The following CEP63 variants were observed in gnomAD, a reference collection of about 807,000 sequenced individuals.
CEP63 encodes the protein centrosomal protein of 63 kDa.
In CEP63, 84 loss-of-function variants were observed where a neutral mutation model predicts 89.1. That is an observed-to-expected ratio of 0.94 (90% confidence interval 0.79 to 1.13). CEP63 has a LOEUF of 1.13. Among genes scored for constraint, CEP63 ranks in the 50% most tolerant of loss-of-function variants. The pLI is 0.00. For missense variants in CEP63, 838 were observed against 813.3 expected, an observed-to-expected ratio of 1.03 and a Z score of -0.37; for synonymous variants, 267 against 272.5, an observed-to-expected ratio of 0.98 and a Z score of 0.20.
upstream of CEP63, chr3:134,485,998 C>CCCCA: frequency 2.0e-6 from 2 of 981,728 alleles, no homozygotes; most frequent in South Asian, 4.7e-5. Context: ...CACGCCCCCC[C>CCCCA]CCCCTCCCCC....
the CEP63 span, among the ~76,000 whole-genome samples, chr3:134,720,214 A>T: frequency 2.6e-5 from 4 of 152,232 alleles, no homozygotes; most frequent in East Asian, 7.7e-4. Flanking sequence ...CTAATAACCA[A>T]TGATGTTGAG....
chr3:134,486,144 C>T lies in CEP63; in HGVS notation c.-84C>T, dbSNP rs57845495. ...GGGGCAGTGGGCGGAACAAACGCGCCGACTACAGAGGCTGGACGTAAGCTT... is the reference window on the plus strand; with the variant it reads ...GGGGCAGTGGGCGGAACAAACGCGCTGACTACAGAGGCTGGACGTAAGCTT... On this transcript the variant is annotated 5_prime_UTR_variant, in exon 1 of 15. Coordinates refer to ENST00000675561, the MANE Select transcript of CEP63 (RefSeq NM_001353108.3). 1.1e-5 allele frequency: 11 copies of T among 985,604 alleles called. No homozygotes were observed. Among genetic ancestry groups the T allele is most frequent in the Non-Finnish European group, 1.3e-5 (11 of 830,058 alleles). The allele number at this position is 985,604 out of a possible 1,614,324, so 61.1% of individuals were successfully genotyped here.
At chr3:134,723,265 T>G in the CEP63 span, among the ~76,000 whole-genome samples, 2 of 152,214 alleles carry the variant, frequency 1.3e-5, no homozygotes, top group East Asian at 3.8e-4. Context: ...TGATTTGCTT[T>G]GACTAGTGGC....
chr3:134,610,302 C>G, the CEP63 span: 7 of 1,613,874 alleles, frequency 4.3e-6, no homozygotes, highest in Non-Finnish European at 5.9e-6. Flanking sequence ...CATGGTCAAA[C>G]TCCCCCGAGA....
At chr3:134,656,884 G>T in the CEP63 span, among the ~76,000 whole-genome samples, 1 of 152,124 alleles carries the variant, frequency 6.6e-6, no homozygotes, top group South Asian at 2.1e-4. Flanking sequence ...GAAAGTGCAA[G>T]AACTATATAA....
At chr3:134,662,004 A>G in the CEP63 span, among the ~76,000 whole-genome samples, 1 of 152,230 alleles carries the variant, frequency 6.6e-6, no homozygotes, top group African/African-American at 2.4e-5. Context: ...CCGGCTGGGC[A>G]TGGTGGCTCA....
chr3:134,625,499 G>C, the CEP63 span, among the ~76,000 whole-genome samples: 1 of 152,242 alleles, frequency 6.6e-6, no homozygotes, highest in Non-Finnish European at 1.5e-5. Context: ...TGGATTCCCT[G>C]TTATTTTTCC....
the CEP63 span, among the ~76,000 whole-genome samples, chr3:134,775,691 C>T: frequency 6.6e-6 from 1 of 152,112 alleles, no homozygotes; most frequent in African/African-American, 2.4e-5. Context: ...CATGTTTATC[C>T]AGATATTCAG....
At chr3:134,489,400 A>G (rs535911661) in intron 1 of CEP63, among the ~76,000 whole-genome samples, 108 of 152,244 alleles carry the variant, frequency 7.1e-4, no homozygotes, top group Middle Eastern at 3.4e-3. Flanking sequence ...ATAATTTCAT[A>G]GGTAATGCAG....
At chr3:134,680,284 G>A in the CEP63 span, among the ~76,000 whole-genome samples, 7 of 152,084 alleles carry the variant, frequency 4.6e-5, no homozygotes, top group African/African-American at 7.2e-5. Context: ...TTTTAAACTC[G>A]GTTTAATCCT....
intron 1 of CEP63, among the ~76,000 whole-genome samples, chr3:134,495,062 GGA>G (rs1939316962): frequency 6.6e-6 from 1 of 152,168 alleles, no homozygotes; most frequent in African/African-American, 2.4e-5. Context: ...ATATTTACAC[GGA>G]GAGAGTGTCA....
the CEP63 span, among the ~76,000 whole-genome samples, chr3:134,704,880 C>T: frequency 6.6e-6 from 1 of 152,160 alleles, no homozygotes; most frequent in South Asian, 2.1e-4. Context: ...CTGAGCTCTC[C>T]TTGAAGAGAG....
At chr3:134,727,877 A>T in the CEP63 span, among the ~76,000 whole-genome samples, 21 of 152,100 alleles carry the variant, frequency 1.4e-4, no homozygotes, top group Non-Finnish European at 2.5e-4. Context: ...TATTTTTTCT[A>T]CTTTGGGGTC....
At chr3:134,594,818 C>T in the CEP63 span, among the ~76,000 whole-genome samples, 1 of 152,242 alleles carries the variant, frequency 6.6e-6, no homozygotes, top group Non-Finnish European at 1.5e-5. Flanking sequence ...ATGCAAGGCA[C>T]TGTTTAATCA....
chr3:134,566,256 G>A (rs556918242), downstream of CEP63, among the ~76,000 whole-genome samples: 4 of 152,184 alleles, frequency 2.6e-5, no homozygotes, highest in East Asian at 1.9e-4. Flanking sequence ...CAAAAAGAAC[G>A]TAAGGCAGTA....
At chr3:134,565,657 A>G (rs1026882546), downstream of CEP63, among the ~76,000 whole-genome samples, 1 of 152,048 alleles carries the variant, frequency 6.6e-6, no homozygotes, top group African/African-American at 2.4e-5. Flanking sequence ...TTGATTCACT[A>G]ATGAATCTAG....
the CEP63 span, chr3:134,650,944 T>C: frequency 3.7e-6 from 6 of 1,613,254 alleles, no homozygotes; most frequent in Admixed American, 1.7e-5. Flanking sequence ...AGCGTTGATG[T>C]CCTTCTTCAG....
the CEP63 span, among the ~76,000 whole-genome samples, chr3:134,740,903 C>T: frequency 6.6e-6 from 1 of 152,156 alleles, no homozygotes; most frequent in Non-Finnish European, 1.5e-5. Context: ...TATTTGACAA[C>T]ATCTTCCATC....
intron 2 of CEP63, among the ~76,000 whole-genome samples, chr3:134,499,408 T>A (rs1941264277): frequency 6.6e-6 from 1 of 152,224 alleles, no homozygotes; most frequent in East Asian, 1.9e-4. Context: ...CTTCTCTTTT[T>A]TCTTGGTTAG....
Sources: allele counts gnomAD v4.1 joint callset (sites outside exome capture counted in the v4.1 genomes callset), GRCh38; gene constraint gnomAD v4.1.1; transcripts MANE v1.5; gene names NCBI Gene and HGNC (gene_info 2026-07-23, HGNC 2026-07-21).